The following LMTK2 variants were observed in gnomAD, a reference collection of about 807,000 sequenced individuals.
The protein encoded by LMTK2 is serine/threonine-protein kinase LMTK2.
LMTK2 carries 37 observed loss-of-function variants against 127.5 expected under a neutral mutation model. That is an observed-to-expected ratio of 0.29 (90% CI 0.22 to 0.38). The LOEUF is 0.38. Among genes scored for constraint, LMTK2 ranks in the 10% least tolerant of loss-of-function variants. The pLI is 1.00. For missense variants in LMTK2, 1,694 were observed against 1,920.3 expected (o/e 0.88, Z 2.20); for synonymous variants, 819 against 810.1 (o/e 1.01, Z -0.19).
Position 98,194,380 on chromosome 7 carries a change from C to T in LMTK2, c.3915C>T (p.Ser1305=). 2.5e-6 allele frequency: 4 copies of T among 1,614,134 alleles called. No individual in the cohort carries two copies. The highest frequency in any genetic ancestry group is 3.4e-6 in the Non-Finnish European group (4 of 1,180,028). The change falls in exon 11 of 14, where the codon AGC becomes AGT. Residue 1305 remains serine, a synonymous_variant. Transcript: ENST00000297293. The surrounding 1 kb of genome is among the most constrained non-coding windows in gnomAD (Gnocchi z 5.4). ...ACCTGCGGGCCTTCAACCTGCATAG[C>T]CTCAGCTCCGAGTCGGAGGACGAGA... The part of the protein sequence containing the change: ...DEDLRAFNLH[S]LSSESEDETE...
At chr7:98,164,202 G>A (rs1409587783) in intron 6 of LMTK2, among the ~76,000 whole-genome samples, 1 of 152,150 alleles carries the variant, frequency 6.6e-6, no homozygotes, top group Non-Finnish European at 1.5e-5. Flanking sequence ...GAGGAGCCGA[G>A]AGATGACTGT....
At position 98,157,436 on chromosome 7, in the gene LMTK2, A is replaced by G. The variant is rs141825850; in HGVS notation, c.570-1902A>G. Among the ~76,000 whole-genome samples, 316 of 152,172 alleles carry G rather than the reference A, an allele frequency of 2.1e-3. 3 individuals are homozygous for G. The highest frequency in any genetic ancestry group is 7.3e-3 in the African/African-American group (304 of 41,494). ...CCAGCCAAGGTGACACACAAAATTAACCGTCACATCATACAGCCCAGCAGT... is the reference window on the plus strand; with the variant it reads ...CCAGCCAAGGTGACACACAAAATTAGCCGTCACATCATACAGCCCAGCAGT... On this transcript the variant is annotated intron_variant, in intron 5 of 13. Coordinates refer to ENST00000297293, the MANE Select transcript of LMTK2 (RefSeq NM_014916.4).
At chr7:98,123,216 A>G (rs545208869) in intron 1 of LMTK2, among the ~76,000 whole-genome samples, 3 of 152,316 alleles carry the variant, frequency 2.0e-5, no homozygotes, top group African/African-American at 4.8e-5. Context: ...AGTTTCTACT[A>G]TGCATGACAA....
chr7:98,154,961 C>T, intron 5 of LMTK2, 85 bp downstream of exon 5: 1 of 768,686 alleles, frequency 1.3e-6, no homozygotes, highest in South Asian at 1.5e-5. Context: ...GGGATTTCTG[C>T]CTGTAACATA....
rs1390516799 is a variant in LMTK2, at chr7:98,107,181, C to T, written c.4C>T (p.Pro2Ser). The change falls in exon 1 of 14, where the codon CCG becomes TCG. Residue 2 changes from proline to serine, a missense_variant. By Grantham distance (74) the Pro-to-Ser change is moderately conservative. This residue lies in a region of LMTK2 where 76 missense variants were observed against 82.0 expected (regional missense o/e 0.93). Coordinates refer to ENST00000297293, the MANE Select transcript of LMTK2 (RefSeq NM_014916.4). ...CCGGAGCCGCGCCGTGGGCGAGATG[C>T]CGGGGCCGCCGGCGTTGCGGCGGAG... MPGPPALRRRLL... is the reference protein window; with the variant it reads MSGPPALRRRLL... 6 of 1,447,552 alleles carry T rather than the reference C, an allele frequency of 4.1e-6. No individual in the cohort carries two copies. 89.7% of individuals were successfully genotyped at this position (1,447,552 alleles called of 1,614,324 possible). A position where few individuals can be genotyped will look rare whatever the true frequency, so the allele number is the denominator to read the frequency against.
At chr7:98,162,983 G>C (rs1797037875) in intron 6 of LMTK2, among the ~76,000 whole-genome samples, 1 of 152,164 alleles carries the variant, frequency 6.6e-6, no homozygotes, top group African/African-American at 2.4e-5. Context: ...GCTACAGCAT[G>C]AATGAACCTT....
At chr7:98,160,250 T>C (rs935726254) in intron 6 of LMTK2, among the ~76,000 whole-genome samples, 14 of 152,224 alleles carry the variant, frequency 9.2e-5, no homozygotes, top group Admixed American at 7.2e-4. Context: ...CCAAAACAAA[T>C]TCCCAGTTAA....
At chr7:98,186,096 C>T (rs548421169) in intron 8 of LMTK2, among the ~76,000 whole-genome samples, 130 of 149,568 alleles carry the variant, frequency 8.7e-4, no homozygotes, top group African/African-American at 3.2e-3. Flanking sequence ...GATGGGGTCT[C>T]GCTGTCACCC....
At chr7:98,154,254 G>A (rs1024736286) in intron 4 of LMTK2, among the ~76,000 whole-genome samples, 1 of 152,160 alleles carries the variant, frequency 6.6e-6, no homozygotes, top group African/African-American at 2.4e-5. Context: ...GATCAAGGCC[G>A]GGTATCATTG....
At chr7:98,148,280 A>G (rs1245964048) in intron 3 of LMTK2, among the ~76,000 whole-genome samples, 1 of 152,054 alleles carries the variant, frequency 6.6e-6, no homozygotes, top group Non-Finnish European at 1.5e-5. Context: ...ACCTGAGGTC[A>G]GGAGTTCGAG....
intron 11 of LMTK2, among the ~76,000 whole-genome samples, chr7:98,197,521 C>T (rs532975361): frequency 3.9e-5 from 6 of 152,244 alleles, no homozygotes; most frequent in East Asian, 1.9e-4. Context: ...GCAATTAGTG[C>T]GACAGGGTTC....
chr7:98,147,187 TAC>T (rs1796786676), intron 3 of LMTK2, among the ~76,000 whole-genome samples: 2 of 152,188 alleles, frequency 1.3e-5, no homozygotes, highest in Admixed American at 1.3e-4. Context: ...TTCGGTTTTC[TAC>T]AGTTTGTGTC....
intron 7 of LMTK2, among the ~76,000 whole-genome samples, chr7:98,175,390 G>A (rs1466435577): frequency 6.6e-6 from 1 of 152,224 alleles, no homozygotes; most frequent in South Asian, 2.1e-4. Context: ...AGACGCAGGA[G>A]AGAAGATAGT....
chr7:98,170,357 G>A (rs1019925565), intron 6 of LMTK2, among the ~76,000 whole-genome samples: 2 of 152,170 alleles, frequency 1.3e-5, no homozygotes, highest in Non-Finnish European at 2.9e-5. Context: ...TTCTTGGAGT[G>A]GACCTAGAAG....
chr7:98,109,757 A>G (rs930005789), intron 1 of LMTK2, among the ~76,000 whole-genome samples: 6 of 151,800 alleles, frequency 4.0e-5, no homozygotes, highest in Non-Finnish European at 7.4e-5. Context: ...AAAAAAAAAA[A>G]AAAAAAGAAA....
Position 98,107,273 on chromosome 7 carries a change from A to G in LMTK2, c.96A>G (p.Thr32=). 2 of 1,379,658 alleles carry G rather than the reference A, an allele frequency of 1.4e-6. No homozygotes were observed. The highest frequency in any genetic ancestry group is 3.5e-5 in the Admixed American group (1 of 28,960). The allele number at this position is 1,379,658 out of a possible 1,614,324, so 85.5% of individuals were successfully genotyped here. A position where few individuals can be genotyped will look rare whatever the true frequency, so the allele number is the denominator to read the frequency against. The part of the protein sequence containing the change: ...GSAGAAPLPQ[T]GAGEAPPAAE... Reference sequence around the variant, plus strand: ...CTGGGGCCGCGCCACTTCCGCAAACAGGTGCAGGTGAGCGGGCCCGCGGCG... The same window carrying G: ...CTGGGGCCGCGCCACTTCCGCAAACGGGTGCAGGTGAGCGGGCCCGCGGCG... The change falls in exon 1 of 14, where the codon ACA becomes ACG. Residue 32 remains threonine, a synonymous_variant. Transcript: ENST00000297293.
rs201907719 is a variant in LMTK2, at chr7:98,192,003, C to G, written c.1538C>G (p.Ser513Trp). 40 of 1,610,828 alleles carry G rather than the reference C, an allele frequency of 2.5e-5. No homozygotes were observed. The East Asian group carries it at 6.0e-4, about 24-fold the overall frequency. ...IFYPVEVFES[S>W]LSDPGPGKQD... ...TATCCGGTTGAAGTTTTTGAGAGTTCGCTTTCAGATCCTGGGCCCGGAAAG... is the reference window on the plus strand; with the variant it reads ...TATCCGGTTGAAGTTTTTGAGAGTTGGCTTTCAGATCCTGGGCCCGGAAAG... The change falls in exon 11 of 14, where the codon TCG becomes TGG. Residue 513 changes from serine (S) to tryptophan (W), a missense_variant. By Grantham distance (177) the Ser-to-Trp change is radical. This residue lies in a region of LMTK2 where 216 missense variants were observed against 266.8 expected (regional missense o/e 0.81). Coordinates refer to ENST00000297293, the MANE Select transcript of LMTK2 (RefSeq NM_014916.4).
chr7:98,136,510 C>G (rs932373911), intron 1 of LMTK2, among the ~76,000 whole-genome samples: 7 of 152,198 alleles, frequency 4.6e-5, no homozygotes, highest in African/African-American at 1.7e-4. Flanking sequence ...TGTCTACAGA[C>G]TCTACTACTC....
At chr7:98,190,128 C>T (rs1394878325) in intron 9 of LMTK2, among the ~76,000 whole-genome samples, 1 of 152,138 alleles carries the variant, frequency 6.6e-6, no homozygotes, top group African/African-American at 2.4e-5. Flanking sequence ...ATAGTCATCT[C>T]ATCCACATAA....
Sources: allele counts gnomAD v4.1 joint callset (sites outside exome capture counted in the v4.1 genomes callset), GRCh38; gene constraint gnomAD v4.1.1; regional missense constraint gnomAD v4.1.1; non-coding constraint Gnocchi (gnomAD v3.1); transcripts MANE v1.5; gene names NCBI Gene and HGNC (gene_info 2026-07-23, HGNC 2026-07-21).